The following RPSA2 variants were observed in gnomAD, a reference collection of about 807,000 sequenced individuals.
The protein encoded by RPSA2 is ribosomal protein SA 2.
the RPSA2 span, among the ~76,000 whole-genome samples, chr19:23,811,673 A>G: frequency 8.1e-6 from 1 of 123,550 alleles, no homozygotes; most frequent in African/African-American, 3.0e-5. Flanking sequence ...GTATGCAGGC[A>G]GGCAAAAAGG....
the RPSA2 span, among the ~76,000 whole-genome samples, chr19:23,867,282 C>T: frequency 2.7e-4 from 41 of 152,306 alleles, 2 homozygotes; most frequent in South Asian, 8.5e-3. Flanking sequence ...TCAAAGTGTT[C>T]AACGGAGTGC....
chr19:23,841,571 G>T, the RPSA2 span, among the ~76,000 whole-genome samples: 2 of 152,338 alleles, frequency 1.3e-5, no homozygotes, highest in Non-Finnish European at 2.9e-5. Context: ...GTCACGCCAA[G>T]TGTCAGGTTC....
chr19:23,852,827 G>A, the RPSA2 span, among the ~76,000 whole-genome samples: 7 of 152,192 alleles, frequency 4.6e-5, no homozygotes, highest in Non-Finnish European at 8.8e-5. Context: ...GGTTTTCAAA[G>A]AATCTCTCCT....
At chr19:23,792,585 G>GTT in the RPSA2 span, among the ~76,000 whole-genome samples, 1 of 12,006 alleles carries the variant, frequency 8.3e-5, no homozygotes, top group South Asian at 8.8e-3. Flanking sequence ...TTTTGTTTTT[G>GTT]TTTTTGTTTT....
the RPSA2 span, among the ~76,000 whole-genome samples, chr19:23,810,861 G>A: frequency 0.99 from 150,828 of 152,250 alleles, 74,726 homozygotes; most frequent in Middle Eastern, 1. Context: ...TAGGTGGAAC[G>A]TTTTCTTGTC....
At chr19:23,805,121 G>GCACACA in the RPSA2 span, among the ~76,000 whole-genome samples, 11 of 149,576 alleles carry the variant, frequency 7.4e-5, no homozygotes, top group African/African-American at 2.7e-4. Flanking sequence ...AAAATAAAAA[G>GCACACA]CACACACACA....
chr19:23,778,352 A>G, the RPSA2 span, among the ~76,000 whole-genome samples: 4 of 152,250 alleles, frequency 2.6e-5, no homozygotes, highest in South Asian at 8.3e-4. Flanking sequence ...AGCTGGGATT[A>G]CAGGCCTGCA....
At chr19:23,779,601 C>T in the RPSA2 span, among the ~76,000 whole-genome samples, 97 of 152,302 alleles carry the variant, frequency 6.4e-4, no homozygotes, top group African/African-American at 2.0e-3. Context: ...TGACTTATTA[C>T]TGAAACCAGA....
chr19:23,758,717 CT>C, the RPSA2 span: 4 of 1,614,214 alleles, frequency 2.5e-6, no homozygotes, highest in Non-Finnish European at 3.4e-6. Context: ...CCCTTCCCCT[CT>C]CTCGGGATGT....
chr19:23,822,119 A>G, the RPSA2 span, among the ~76,000 whole-genome samples: 1 of 152,196 alleles, frequency 6.6e-6, no homozygotes, highest in Non-Finnish European at 1.5e-5. Flanking sequence ...GTCTCTCATA[A>G]AACTGGCTAG....
the RPSA2 span, among the ~76,000 whole-genome samples, chr19:23,862,880 T>TTTTC: frequency 4.0e-5 from 6 of 151,764 alleles, no homozygotes; most frequent in East Asian, 5.8e-4. Flanking sequence ...CTACATCTCT[T>TTTTC]TTTCTTTCTT....
chr19:23,776,986 T>C, the RPSA2 span, among the ~76,000 whole-genome samples: 1 of 152,256 alleles, frequency 6.6e-6, no homozygotes, highest in Admixed American at 6.5e-5. Flanking sequence ...ACCTGCCATA[T>C]GGGGATTGTG....
the RPSA2 span, among the ~76,000 whole-genome samples, chr19:23,800,530 T>G: frequency 1.3e-5 from 2 of 152,196 alleles, no homozygotes; most frequent in Non-Finnish European, 2.9e-5. Flanking sequence ...CACCTAAATA[T>G]GCAGGCAGAA....
At chr19:23,839,783 T>G in the RPSA2 span, among the ~76,000 whole-genome samples, 1 of 152,212 alleles carries the variant, frequency 6.6e-6, no homozygotes. Context: ...TCCCAGGGCC[T>G]CCCTGTTGCC....
chr19:23,844,705 AAT>A, the RPSA2 span, among the ~76,000 whole-genome samples: 7 of 149,894 alleles, frequency 4.7e-5, no homozygotes, highest in Middle Eastern at 0.01. Context: ...ATTTTTTTAT[AAT>A]ATAATAATAA....
At chr19:23,788,558 G>A in the RPSA2 span, among the ~76,000 whole-genome samples, 13 of 152,018 alleles carry the variant, frequency 8.6e-5, no homozygotes, top group African/African-American at 1.9e-4. Flanking sequence ...TGTCTTCTAC[G>A]TAAGCCCTGA....
At chr19:23,863,350 G>T in the RPSA2 span, among the ~76,000 whole-genome samples, 19 of 152,108 alleles carry the variant, frequency 1.2e-4, no homozygotes, top group African/African-American at 4.6e-4. Context: ...GATCACCTAA[G>T]GTCAAGAGTT....
chr19:23,780,916 C>T, the RPSA2 span, among the ~76,000 whole-genome samples: 1 of 152,196 alleles, frequency 6.6e-6, no homozygotes, highest in East Asian at 1.9e-4. Context: ...CTGAACCTCA[C>T]TTTTGGAGAT....
chr19:23,758,627 G>A, the RPSA2 span: 2 of 1,501,610 alleles, frequency 1.3e-6, no homozygotes, highest in Admixed American at 3.3e-5. Flanking sequence ...GGTCCAAGTG[G>A]ACTGAGGCCG....
Sources: gnomAD v4.1 joint callset for allele counts (sites outside exome capture counted in the v4.1 genomes callset) on GRCh38, gnomAD v4.1.1 for gene constraint, MANE v1.5 for transcripts, NCBI Gene and HGNC (gene_info 2026-07-23, HGNC 2026-07-21) for gene names.